The following ELOVL7 variants were observed in gnomAD, a reference collection of about 807,000 sequenced individuals.
The protein encoded by ELOVL7 is very long chain fatty acid elongase 7.
A neutral mutation model predicts 35.7 loss-of-function variants in ELOVL7; 27 were observed. The observed-to-expected ratio is 0.76, with a 90% CI of 0.56 to 1.04. The LOEUF is 1.04. ELOVL7 is among the 50% of genes least tolerant of loss of function. The pLI, the probability that ELOVL7 is intolerant of heterozygous loss-of-function variation, is 0.00. For missense variants in ELOVL7, 327 were observed against 340.8 expected (o/e 0.96, Z 0.32); for synonymous variants, 113 against 114.6 (o/e 0.99, Z 0.09).
intron 1 of ELOVL7, among the ~76,000 whole-genome samples, chr5:60,812,302 T>C (rs1579898251): frequency 6.6e-6 from 1 of 152,142 alleles, no homozygotes; most frequent in African/African-American, 2.4e-5. Flanking sequence ...AATAGTACAA[T>C]GTAACAAAGA....
At chr5:60,842,610 A>AACAGCACGGG (rs1001425459) in intron 1 of ELOVL7, among the ~76,000 whole-genome samples, 1 of 152,100 alleles carries the variant, frequency 6.6e-6, no homozygotes, top group African/African-American at 2.4e-5. Context: ...CGATGCCTGA[A>AACAGCACGGG]ACAGCACGGG....
chr5:60,765,083 G>A (rs1156537819), intron 6 of ELOVL7, among the ~76,000 whole-genome samples: 1 of 152,182 alleles, frequency 6.6e-6, no homozygotes. Flanking sequence ...AAGAGTATTT[G>A]AGCAATGTAG....
chr5:60,772,213 G>A (rs1742642175), intron 3 of ELOVL7, 120 bp from the exon 4 acceptor site: 1 of 615,568 alleles, frequency 1.6e-6, no homozygotes, highest in Admixed American at 2.9e-5. Context: ...TTTGGGCAGT[G>A]ATCACTAGTA....
At chr5:60,768,805 CT>C (rs34437042) in intron 4 of ELOVL7, 83,537 of 392,984 alleles carry the variant, frequency 0.21, 14,314 homozygotes, top group African/African-American at 0.63. Flanking sequence ...CAAATACCCC[CT>C]GGGAGATCTT....
At position 60,821,334 on chromosome 5, in the gene ELOVL7, C is replaced by G. The variant is rs553651617; in HGVS notation, c.-85-22104G>C. Among the ~76,000 whole-genome samples the G allele has an allele frequency of 4.8e-4, 73 of 152,282 alleles. 1 individual carries two copies. The highest frequency in any genetic ancestry group is 3.4e-3 in the Middle Eastern group (1 of 294). On this transcript the variant is annotated intron_variant, in intron 1 of 8. Transcript: ENST00000508821. ...GCAGGGTCTGGCACATGGTTGACTT[C>G]CAAACAGTATTCGCTGAACGAATGA... is the stretch of plus-strand genomic sequence containing the variant.
chr5:60,780,409 G>A (rs1743174958), intron 3 of ELOVL7, among the ~76,000 whole-genome samples: 1 of 151,908 alleles, frequency 6.6e-6, no homozygotes, highest in Admixed American at 6.6e-5. Flanking sequence ...CATGAGTCAC[G>A]GCGCCCGGCC....
intron 2 of ELOVL7, among the ~76,000 whole-genome samples, chr5:60,795,585 T>C (rs1744204315): frequency 6.6e-6 from 1 of 152,178 alleles, no homozygotes; most frequent in Non-Finnish European, 1.5e-5. Context: ...GGTCCGTGTT[T>C]GTTCTGGCTC....
intron 1 of ELOVL7, among the ~76,000 whole-genome samples, chr5:60,826,558 C>T (rs1746183219): frequency 6.6e-6 from 1 of 152,138 alleles, no homozygotes; most frequent in Non-Finnish European, 1.5e-5. Flanking sequence ...ATTTCTAATG[C>T]CAGTGCCTGT....
intron 8 of ELOVL7, 122 bp downstream of exon 8, chr5:60,757,387 G>T: frequency 1.1e-6 from 1 of 935,096 alleles, no homozygotes. Context: ...TCATGTAGGG[G>T]CCAGACGCTC....
intron 1 of ELOVL7, among the ~76,000 whole-genome samples, chr5:60,834,075 G>T (rs1156981811): frequency 6.6e-6 from 1 of 151,942 alleles, no homozygotes; most frequent in African/African-American, 2.4e-5. Flanking sequence ...ATATATTTTT[G>T]CTTTCAGTTT....
intron 1 of ELOVL7, among the ~76,000 whole-genome samples, chr5:60,827,176 T>C (rs1484095216): frequency 6.6e-6 from 1 of 152,212 alleles, no homozygotes; most frequent in African/African-American, 2.4e-5. Context: ...TAATGCATAA[T>C]CTGTGTATAC....
intron 2 of ELOVL7, among the ~76,000 whole-genome samples, chr5:60,789,259 T>C (rs1174826970): frequency 1.3e-5 from 2 of 152,180 alleles, no homozygotes; most frequent in Non-Finnish European, 2.9e-5. Flanking sequence ...CTCCCTAATA[T>C]ATGACAAGTT....
intron 2 of ELOVL7, among the ~76,000 whole-genome samples, chr5:60,794,111 G>A (rs981439984): frequency 2.1e-4 from 32 of 152,218 alleles, no homozygotes; most frequent in African/African-American, 7.0e-4. Context: ...ATGAGTACTG[G>A]TGCTGGTGTT....
intron 1 of ELOVL7, among the ~76,000 whole-genome samples, chr5:60,840,724 T>C (rs1190024408): frequency 6.6e-6 from 1 of 152,210 alleles, no homozygotes; most frequent in Admixed American, 6.5e-5. Flanking sequence ...TGACAGCATG[T>C]ATTGAGAACC....
At chr5:60,775,892 C>G (rs79426710) in intron 3 of ELOVL7, among the ~76,000 whole-genome samples, 151 of 152,166 alleles carry the variant, frequency 9.9e-4, no homozygotes, top group Non-Finnish European at 1.7e-3. Flanking sequence ...GAAAACCTAA[C>G]CTAGGAAACA....
In ELOVL7 at chr5:60,823,010, A is replaced by G. The variant is rs181598451; in HGVS notation, c.-86+21150T>C. ...AATGCAAAGGCAGGTGATTAATAGC[A>G]GGCATTGAACAGGTCTTGTTCACGA... On this transcript the variant is annotated intron_variant, in intron 1 of 8. Coordinates refer to ENST00000508821, the MANE Select transcript of ELOVL7 (RefSeq NM_024930.3). Among the ~76,000 whole-genome samples the G allele has an allele frequency of 3.0e-4, 46 of 152,356 alleles. No individual in the cohort carries two copies. In the East Asian group the frequency reaches 6.7e-3, roughly 22 times the overall value.
intron 1 of ELOVL7, among the ~76,000 whole-genome samples, chr5:60,825,233 C>G (rs913019638): frequency 1.3e-5 from 2 of 152,126 alleles, no homozygotes; most frequent in African/African-American, 4.8e-5. Flanking sequence ...CTTGTCCTTC[C>G]CTGAACACAC....
rs748037674 is a variant in ELOVL7 at position 60,787,352 on chromosome 5, T to C, written c.46A>G (p.Asn16Asp). The stretch of plus-strand genomic sequence containing the variant: ...TACTCACCAGCATCTTTGATCCAAT[T>C]ATCATAAAGATGCACAGTCCTCGAT... The part of the protein sequence containing the change: ...LTSRTVHLYD[N>D]WIKDADPRVE... Residue 16 changes from asparagine (N) to aspartate (D), a missense_variant, in exon 3 of 9, where the codon AAT becomes GAT. Physicochemically the swap from Asn to Asp is conservative, Grantham distance 23. Transcript: ENST00000508821. 44 of 1,603,592 alleles carry C rather than the reference T, an allele frequency of 2.7e-5. No homozygotes were observed. The highest frequency in any genetic ancestry group is 3.7e-5 in the Non-Finnish European group (44 of 1,176,722).
chr5:60,772,101 A>G lies in ELOVL7; in HGVS notation c.65-8T>C. 3 of 1,595,242 alleles carry G rather than the reference A, an allele frequency of 1.9e-6. No homozygotes were observed. Among genetic ancestry groups the G allele is most frequent in the Non-Finnish European group, 2.6e-6 (3 of 1,170,372 alleles). On this transcript the variant is annotated splice_region_variant and splice_polypyrimidine_tract_variant and intron_variant, in intron 3 of 8. Transcript: ENST00000508821. ...AATCTTCAACTCTTGGATCTAAGAGAAAAACAATATGTGAGTACACACCTG... is the reference window on the plus strand; with the variant it reads ...AATCTTCAACTCTTGGATCTAAGAGGAAAACAATATGTGAGTACACACCTG...
Sources: allele counts gnomAD v4.1 joint callset (sites outside exome capture counted in the v4.1 genomes callset), GRCh38; gene constraint gnomAD v4.1.1; transcripts MANE v1.5; gene names NCBI Gene and HGNC (gene_info 2026-07-23, HGNC 2026-07-21).